OLFM3: variants seen among roughly 807,000 people sequenced by gnomAD.
The protein encoded by OLFM3 is noelin-3.
Under a neutral mutation model 48.6 loss-of-function variants are expected in OLFM3, and 20 were observed. That is an observed-to-expected ratio of 0.41 (90% CI 0.29 to 0.60). The LOEUF (loss-of-function observed/expected upper bound fraction) is 0.60, where lower values mean the gene tolerates loss of function less well. Ranked by LOEUF, OLFM3 falls within the 20% of genes least tolerant of loss-of-function variation. The pLI is 0.28. For missense variants in OLFM3, 437 were observed against 544.3 expected, an observed-to-expected ratio of 0.80 and a Z score of 1.96; for synonymous variants, 222 against 198.1, an observed-to-expected ratio of 1.12 and a Z score of -1.01.
At chr1:101,836,623 C>A (rs1655425135) in intron 2 of OLFM3, among the ~76,000 whole-genome samples, 1 of 149,372 alleles carries the variant, frequency 6.7e-6, no homozygotes, top group African/African-American at 2.5e-5. Context: ...GAGATATCAA[C>A]TAGAGATTAA....
intron 1 of OLFM3, among the ~76,000 whole-genome samples, chr1:101,956,687 T>C (rs978502176): frequency 1.3e-5 from 2 of 151,978 alleles, no homozygotes; most frequent in South Asian, 4.1e-4. Flanking sequence ...ATAATGTCAA[T>C]GGAAAGCTTG....
intron 1 of OLFM3, among the ~76,000 whole-genome samples, chr1:101,868,649 G>C (rs1422513225): frequency 6.6e-6 from 1 of 152,212 alleles, no homozygotes; most frequent in Non-Finnish European, 1.5e-5. Flanking sequence ...TAAGTAATGA[G>C]GAACCAGATG....
At chr1:101,895,233 C>T (rs924850126) in intron 1 of OLFM3, among the ~76,000 whole-genome samples, 2 of 152,002 alleles carry the variant, frequency 1.3e-5, no homozygotes, top group Non-Finnish European at 2.9e-5. Flanking sequence ...CCTCTATTTG[C>T]TTATTTATTT....
intron 1 of OLFM3, among the ~76,000 whole-genome samples, chr1:101,886,990 A>G (rs1657788679): frequency 6.6e-6 from 1 of 152,090 alleles, no homozygotes; most frequent in African/African-American, 2.4e-5. Context: ...CTTGAGGGGA[A>G]TTAATGGATA....
chr1:101,807,386 T>C (rs1460796645), intron 4 of OLFM3, among the ~76,000 whole-genome samples: 1 of 151,814 alleles, frequency 6.6e-6, no homozygotes, highest in Non-Finnish European at 1.5e-5. Context: ...CTCTTTTGGG[T>C]CCTACTTGTT....
intron 1 of OLFM3, among the ~76,000 whole-genome samples, chr1:101,901,800 C>G (rs1320477906): frequency 6.6e-6 from 1 of 152,004 alleles, no homozygotes; most frequent in African/African-American, 2.4e-5. Flanking sequence ...TCAATAGAAA[C>G]AGGAGAGTCA....
At chr1:101,827,669 A>G (rs1408720501) in intron 3 of OLFM3, among the ~76,000 whole-genome samples, 1 of 152,176 alleles carries the variant, frequency 6.6e-6, no homozygotes, top group Non-Finnish European at 1.5e-5. Context: ...TTGAGCACCT[A>G]ATTATTATTA....
chr1:101,938,699 T>G (rs2101056466), intron 1 of OLFM3, among the ~76,000 whole-genome samples: 1 of 152,328 alleles, frequency 6.6e-6, no homozygotes, highest in South Asian at 2.1e-4. Context: ...TTTTGTGTAT[T>G]GCTTCCTGGC....
At chr1:101,940,971 T>G (rs142198302) in intron 1 of OLFM3, among the ~76,000 whole-genome samples, 109 of 152,270 alleles carry the variant, frequency 7.2e-4, no homozygotes, top group African/African-American at 2.5e-3. Context: ...TGGATACATT[T>G]GTACCCTGGG....
At chr1:101,988,706 C>T (rs1489470298) in intron 1 of OLFM3, among the ~76,000 whole-genome samples, 1 of 151,968 alleles carries the variant, frequency 6.6e-6, no homozygotes, top group Non-Finnish European at 1.5e-5. Flanking sequence ...AGACACTGTG[C>T]TAGCTGCTAG....
At chr1:101,889,955 G>T (rs529257799) in intron 1 of OLFM3, among the ~76,000 whole-genome samples, 67 of 152,060 alleles carry the variant, frequency 4.4e-4, no homozygotes, top group Admixed American at 4.3e-3. Context: ...AACAAATATT[G>T]TAATCCATAT....
At chr1:101,964,080 T>A (rs1660544708) in intron 1 of OLFM3, among the ~76,000 whole-genome samples, 1 of 152,228 alleles carries the variant, frequency 6.6e-6, no homozygotes, top group South Asian at 2.1e-4. Context: ...GTCTGATCAT[T>A]GATTTTCTTC....
At position 101,943,084 on chromosome 1, in the gene OLFM3, G is replaced by C. The variant is rs143368759; in HGVS notation, c.69+53664C>G. On this transcript the variant is annotated intron_variant, in intron 1 of 5. Transcript: ENST00000370103. Reference sequence around the variant, plus strand: ...TCTTTTAGATGTGTGAACTTGGCTAGGGTATAGCCTCTAGTTAGTCTTTCA... The same window carrying C: ...TCTTTTAGATGTGTGAACTTGGCTACGGTATAGCCTCTAGTTAGTCTTTCA... Among the ~76,000 whole-genome samples the C allele has an allele frequency of 4.3e-3, 650 of 152,282 alleles. 4 individuals carry two copies. The highest frequency in any genetic ancestry group is 7.7e-3 in the Non-Finnish European group (521 of 68,022).
chr1:101,836,495 A>G (rs1267102200), intron 2 of OLFM3, among the ~76,000 whole-genome samples: 2 of 152,100 alleles, frequency 1.3e-5, no homozygotes, highest in Admixed American at 6.5e-5. Context: ...AATTATTTTA[A>G]CTTTATTGCA....
intron 1 of OLFM3, among the ~76,000 whole-genome samples, chr1:101,951,707 CTT>C: frequency 6.6e-6 from 1 of 152,204 alleles, no homozygotes; most frequent in South Asian, 2.1e-4. Flanking sequence ...TCTTGATAGA[CTT>C]TGAAATATTT....
At chr1:101,869,503 C>T (rs1178095369) in intron 1 of OLFM3, among the ~76,000 whole-genome samples, 1 of 152,116 alleles carries the variant, frequency 6.6e-6, no homozygotes, top group Non-Finnish European at 1.5e-5. Flanking sequence ...CTTACCTTGC[C>T]TCAGATGAGA....
At chr1:101,901,980 T>TA (rs1271838919) in intron 1 of OLFM3, among the ~76,000 whole-genome samples, 1 of 151,846 alleles carries the variant, frequency 6.6e-6, no homozygotes, top group African/African-American at 2.4e-5. Flanking sequence ...GGAGATGAGA[T>TA]AAAAAAACTT....
chr1:101,810,416 C>G (rs10874519), intron 4 of OLFM3, among the ~76,000 whole-genome samples: 83,928 of 151,750 alleles, frequency 0.55, 23,624 homozygotes, highest in East Asian at 0.64. Context: ...GTTGAAACTG[C>G]GGAGCAGAGC....
intron 1 of OLFM3, among the ~76,000 whole-genome samples, chr1:101,962,006 A>T (rs948453503): frequency 6.6e-6 from 1 of 152,078 alleles, no homozygotes; most frequent in African/African-American, 2.4e-5. Context: ...TTTTCATTTT[A>T]TTCACCAAAA....
Sources: allele counts gnomAD v4.1 joint callset (sites outside exome capture counted in the v4.1 genomes callset), GRCh38; gene constraint gnomAD v4.1.1; transcripts MANE v1.5; gene names NCBI Gene and HGNC (gene_info 2026-07-23, HGNC 2026-07-21).